Variants in GSK3B observed in about 807,000 individuals in gnomAD.
The protein encoded by GSK3B is glycogen synthase kinase 3 beta.
GSK3B carries 15 observed loss-of-function variants against 56.4 expected under a neutral mutation model. The ratio of observed to expected loss-of-function variants is 0.27; its 90% CI spans 0.18 to 0.41. The LOEUF is 0.41. Among genes scored for constraint, GSK3B ranks in the 10% least tolerant of loss-of-function variants. The probability of loss-of-function intolerance (pLI) is 1.00; values close to 1 mark genes in which losing one functional copy is unlikely to be tolerated. For synonymous variants in GSK3B, 181 were observed against 188.9 expected, an observed-to-expected ratio of 0.96 and a Z score of 0.34; for missense variants, 300 against 513.4, an observed-to-expected ratio of 0.58 and a Z score of 4.02.
intron 9 of GSK3B, among the ~76,000 whole-genome samples, chr3:119,853,996 C>T (rs898754003): frequency 6.6e-6 from 1 of 152,138 alleles, no homozygotes; most frequent in Non-Finnish European, 1.5e-5. Context: ...CTGTCTTGTG[C>T]CAGTTTTCAA....
intron 1 of GSK3B, among the ~76,000 whole-genome samples, chr3:120,026,791 C>T (rs143808260): frequency 6.6e-6 from 1 of 151,954 alleles, no homozygotes; most frequent in Non-Finnish European, 1.5e-5. Flanking sequence ...CTCCTGACCT[C>T]GAGTGATCCA....
At chr3:119,860,866 G>A (rs187357331) in intron 9 of GSK3B, among the ~76,000 whole-genome samples, 141 of 152,272 alleles carry the variant, frequency 9.3e-4, no homozygotes, top group Non-Finnish European at 2.1e-4. Flanking sequence ...TTATTTGGGG[G>A]AAGTAGTGCT....
At chr3:119,856,954 G>A (rs556690023) in intron 9 of GSK3B, among the ~76,000 whole-genome samples, 3 of 152,228 alleles carry the variant, frequency 2.0e-5, no homozygotes, top group East Asian at 1.9e-4. Flanking sequence ...AGTGAGTCAC[G>A]CAAATGTTTT....
chr3:119,929,650 C>T (rs769280831), intron 3 of GSK3B, among the ~76,000 whole-genome samples: 7 of 152,102 alleles, frequency 4.6e-5, no homozygotes, highest in Non-Finnish European at 7.4e-5. Context: ...CGCCTGTAAT[C>T]CCAGCACTTT....
chr3:119,827,478 C>G (rs2055529936), intron 10 of GSK3B, among the ~76,000 whole-genome samples: 2 of 148,800 alleles, frequency 1.3e-5, no homozygotes, highest in Admixed American at 1.3e-4. Flanking sequence ...AATATGTAGC[C>G]ATAAGAGAGA....
chr3:119,961,567 G>T (rs2057271880), intron 2 of GSK3B, among the ~76,000 whole-genome samples: 1 of 150,142 alleles, frequency 6.7e-6, no homozygotes, highest in African/African-American at 2.5e-5. Flanking sequence ...GGCAGAAGTT[G>T]CAGTGAGCTG....
intron 8 of GSK3B, among the ~76,000 whole-genome samples, chr3:119,865,464 ATATTTTTTTTTTT>A (rs1183306475): frequency 7.0e-5 from 2 of 28,528 alleles, no homozygotes; most frequent in African/African-American, 1.9e-4. Flanking sequence ...ATATATATAT[ATATTTTTTTTTTT>A]TTTTTTTTTT....
intron 4 of GSK3B, among the ~76,000 whole-genome samples, chr3:119,918,251 GC>G (rs1430751377): frequency 1.3e-5 from 2 of 151,966 alleles, no homozygotes; most frequent in Non-Finnish European, 2.9e-5. Flanking sequence ...CAGGCGGGTT[GC>G]CTGAGCTCAG....
chr3:119,981,478 G>T (rs2057461104), intron 2 of GSK3B, among the ~76,000 whole-genome samples: 1 of 152,242 alleles, frequency 6.6e-6, no homozygotes, highest in African/African-American at 2.4e-5. Context: ...GGAAAAATGG[G>T]AAACTACCCA....
intron 2 of GSK3B, among the ~76,000 whole-genome samples, chr3:119,968,560 T>C (rs2107512935): frequency 6.6e-6 from 1 of 152,320 alleles, no homozygotes; most frequent in East Asian, 1.9e-4. Flanking sequence ...ACTGATCATA[T>C]ATATAGATGC....
intron 1 of GSK3B, among the ~76,000 whole-genome samples, chr3:120,068,025 G>A (rs2058294141): frequency 6.6e-6 from 1 of 152,124 alleles, no homozygotes; most frequent in South Asian, 2.1e-4. Context: ...GTATTTCTTT[G>A]TCTTATGCAT....
intron 1 of GSK3B, among the ~76,000 whole-genome samples, chr3:120,052,617 T>C (rs1221539705): frequency 6.6e-6 from 1 of 152,116 alleles, no homozygotes; most frequent in East Asian, 1.9e-4. Context: ...CTCAGAAAAA[T>C]AAATCTACTT....
intron 10 of GSK3B, among the ~76,000 whole-genome samples, chr3:119,842,755 T>G (rs2055794754): frequency 6.6e-6 from 1 of 152,138 alleles, no homozygotes; most frequent in Admixed American, 6.5e-5. Flanking sequence ...ATCTTATATA[T>G]AAGGTACCTG....
chr3:119,873,260 T>C (rs2056269821), intron 8 of GSK3B, among the ~76,000 whole-genome samples: 1 of 152,146 alleles, frequency 6.6e-6, no homozygotes, highest in Non-Finnish European at 1.5e-5. Context: ...CTATTTCTTT[T>C]ACACACCTGT....
intron 3 of GSK3B, among the ~76,000 whole-genome samples, chr3:119,940,745 G>A (rs2057040278): frequency 1.3e-5 from 2 of 152,056 alleles, no homozygotes; most frequent in Non-Finnish European, 2.9e-5. Flanking sequence ...AAACACCCAA[G>A]CTAGCTCCCT....
intron 2 of GSK3B, among the ~76,000 whole-genome samples, chr3:119,971,681 G>A (rs1029313095): frequency 2.5e-4 from 32 of 126,076 alleles, no homozygotes; most frequent in African/African-American, 6.8e-4. Flanking sequence ...GCGGGATCTC[G>A]GCTCACTGCA....
chr3:120,017,821 T>C (rs965364032), intron 1 of GSK3B, among the ~76,000 whole-genome samples: 1 of 152,190 alleles, frequency 6.6e-6, no homozygotes, highest in African/African-American at 2.4e-5. Flanking sequence ...CAGATAGCAG[T>C]CTGAAAAAAT....
chr3:119,839,594 G>C (rs2055741342), intron 10 of GSK3B, among the ~76,000 whole-genome samples: 1 of 152,204 alleles, frequency 6.6e-6, no homozygotes, highest in Non-Finnish European at 1.5e-5. Context: ...TATTTTAACA[G>C]ATCAGATGAT....
chr3:119,954,302 T>TAGAATAGAAA (rs1559851402), intron 2 of GSK3B, among the ~76,000 whole-genome samples: 19 of 96,996 alleles, frequency 2.0e-4, no homozygotes, highest in East Asian at 1.2e-3. Flanking sequence ...TAGAATAGAA[T>TAGAATAGAAA]AGAAAAGAAA....
Sources: gnomAD v4.1 joint callset for allele counts (sites outside exome capture counted in the v4.1 genomes callset) on GRCh38, gnomAD v4.1.1 for gene constraint, MANE v1.5 for transcripts, NCBI Gene and HGNC (gene_info 2026-07-23, HGNC 2026-07-21) for gene names.